The following ITGB2 variants were observed in gnomAD, a reference collection of about 807,000 sequenced individuals.
ITGB2 encodes the protein integrin subunit beta 2.
Under a neutral mutation model 86.8 loss-of-function variants are expected in ITGB2, and 56 were observed. The ratio of observed to expected loss-of-function variants is 0.65; its 90% confidence interval spans 0.52 to 0.81. ITGB2 has a LOEUF of 0.81. Among genes scored for constraint, ITGB2 ranks in the 30% least tolerant of loss-of-function variants. The pLI is 0.00. For synonymous variants in ITGB2, 457 were observed against 450.4 expected (o/e 1.01, Z -0.19); for missense variants, 948 against 1,061.2 (o/e 0.89, Z 1.48).
At chr21:44,895,238 G>A (rs998055115) in intron 8 of ITGB2, among the ~76,000 whole-genome samples, 178 bp from the exon 9 acceptor site, 4 of 152,148 alleles carry the variant, frequency 2.6e-5, no homozygotes, top group Admixed American at 2.6e-4. Context: ...GGTTCTTGGG[G>A]GTAAAAAGCC....
At chr21:44,901,912 C>T (rs56386911) in intron 5 of ITGB2, 179 bp from the exon 6 acceptor site, 17,326 of 661,178 alleles carry the variant, frequency 0.026, 360 homozygotes, top group South Asian at 0.059. Flanking sequence ...CACATGTGAA[C>T]GTATGTGGGC....
intron 15 of ITGB2, 122 bp from the exon 16 acceptor site, chr21:44,886,552 C>A: frequency 1.4e-6 from 2 of 1,385,182 alleles, no homozygotes; most frequent in Non-Finnish European, 2.1e-6. Flanking sequence ...CGTGGGGCAG[C>A]CCCCCCAGGG....
chr21:44,888,822 G>T lies in ITGB2; in HGVS notation c.1951C>A (p.Gln651Lys). Residue 651 changes from glutamine (Q) to lysine (K), a missense_variant, in exon 14 of 16, where the codon CAG becomes AAG. Gln to Lys is a moderately conservative substitution (Grantham distance 53). Transcript: ENST00000652462. ...CCCTTCACGGGGTTGTTCGACAGCT[G>T]CAGGCCCGGACACGCCGCGCTGCAG... ...KNCSAACPGLQLSNNPVKGRT... is the reference protein window; with the variant it reads ...KNCSAACPGLKLSNNPVKGRT... The T allele has an allele frequency of 6.2e-7, 1 of 1,611,292 alleles. No homozygotes were observed. Among genetic ancestry groups the T allele is most frequent in the Middle Eastern group, 1.6e-4 (1 of 6,062 alleles).
chr21:44,893,222 A>G, intron 10 of ITGB2, 182 bp downstream of exon 10: 1 of 657,454 alleles, frequency 1.5e-6, no homozygotes, highest in Non-Finnish European at 2.7e-6. Flanking sequence ...GCCTGCTCCC[A>G]GACAGCCTCT....
At chr21:44,917,920 G>A (rs1482799808) in intron 1 of ITGB2, among the ~76,000 whole-genome samples, 1 of 152,204 alleles carries the variant, frequency 6.6e-6, no homozygotes, top group Non-Finnish European at 1.5e-5. Context: ...CTCAGCTCAG[G>A]ACAGCACCAG....
rs113597686 is a variant in ITGB2, at chr21:44,900,495, G to A, written c.742-20C>T. 12 of 1,612,972 alleles carry A rather than the reference G, an allele frequency of 7.4e-6. No homozygotes were observed. Among genetic ancestry groups the A allele is most frequent in the South Asian group, 1.1e-5 (1 of 91,058 alleles). On this transcript the variant is annotated intron_variant, in intron 6 of 15. Coordinates refer to ENST00000652462, the MANE Select transcript of ITGB2 (RefSeq NM_000211.5). ...TTCCTCCTGAGAAGAAGGCGTGGGG[G>A]GCAGGGTTACCTGCCTCAGTTTCCC... is the stretch of plus-strand genomic sequence containing the variant.
At chr21:44,928,796 T>C (rs2084408846) in exon 1 of ITGB2, 1 of 174,378 alleles carries the variant, frequency 5.7e-6, no homozygotes, top group Non-Finnish European at 1.2e-5. Context: ...TCTTTGGGGA[T>C]GTGTCTCCAA....
chr21:44,887,370 G>A (rs991651746), intron 14 of ITGB2, among the ~76,000 whole-genome samples: 12 of 152,152 alleles, frequency 7.9e-5, no homozygotes, highest in Admixed American at 4.6e-4. Context: ...GATGAGCAAC[G>A]CAAGGTCCTG....
At position 44,888,680 on chromosome 21, in the gene ITGB2, C is replaced by G. The variant is rs2083733638; in HGVS notation, c.2080+13G>C. 6.2e-7 allele frequency: 1 copy of G among 1,605,218 alleles called. No individual in the cohort carries two copies. The highest frequency in any genetic ancestry group is 8.5e-7 in the Non-Finnish European group (1 of 1,179,672). On this transcript the variant is annotated intron_variant, in intron 14 of 15. Transcript: ENST00000652462. ...CTCTGGAGCCGGTCCCCGCTGCACC[C>G]CAGCGGCCTCACCTCGGCTCTCATC...
At chr21:44,888,593 C>T (rs1328128455) in intron 14 of ITGB2, 100 bp downstream of exon 14, 2 of 1,358,566 alleles carry the variant, frequency 1.5e-6, no homozygotes, top group Non-Finnish European at 2.1e-6. Flanking sequence ...GGGCCCACAA[C>T]ACTGGAGGTG....
At chr21:44,917,627 C>T (rs576681674) in intron 1 of ITGB2, among the ~76,000 whole-genome samples, 3 of 152,162 alleles carry the variant, frequency 2.0e-5, no homozygotes, top group African/African-American at 7.2e-5. Context: ...GGGACAGGGG[C>T]TTGCCAGCCT....
chr21:44,907,826 G>A (rs2084066906), intron 3 of ITGB2, among the ~76,000 whole-genome samples: 1 of 152,252 alleles, frequency 6.6e-6, no homozygotes. Flanking sequence ...GGGCAGGTGG[G>A]AGGGGAGGGC....
rs753529224 is a variant in ITGB2, at chr21:44,900,494, G to GA, written c.742-20_742-19insT. The GA allele has an allele frequency of 1.5e-5, 25 of 1,612,946 alleles. No homozygotes were observed. The highest frequency in any genetic ancestry group is 1.9e-5 in the Non-Finnish European group (23 of 1,179,728). On this transcript the variant is annotated intron_variant, in intron 6 of 15. Coordinates refer to ENST00000652462, the MANE Select transcript of ITGB2 (RefSeq NM_000211.5). ...TTTCCTCCTGAGAAGAAGGCGTGGG[G>GA]GGCAGGGTTACCTGCCTCAGTTTCC... is the stretch of plus-strand genomic sequence containing the variant.
intron 1 of ITGB2, among the ~76,000 whole-genome samples, chr21:44,915,001 T>G (rs1300072313): frequency 2.6e-5 from 4 of 152,090 alleles, no homozygotes; most frequent in African/African-American, 9.7e-5. Flanking sequence ...GAGCCTATGC[T>G]GGGAGAGGAA....
chr21:44,888,974 T>A, intron 13 of ITGB2, 79 bp from the exon 14 acceptor site: 39 of 982,810 alleles, frequency 4.0e-5, no homozygotes, highest in Non-Finnish European at 5.1e-5. Context: ...TGGGTGTGTG[T>A]CCACCAGGGG....
At chr21:44,900,697 G>A (rs1234528641) in intron 6 of ITGB2, among the ~76,000 whole-genome samples, 1 of 152,180 alleles carries the variant, frequency 6.6e-6, no homozygotes, top group Non-Finnish European at 1.5e-5. Flanking sequence ...CGCAGGGAGT[G>A]GAGGCACGTG....
In ITGB2 at chr21:44,889,159, G is replaced by A. The variant is rs573477642; in HGVS notation, c.1877+117C>T. The A allele has an allele frequency of 6.5e-5, 66 of 1,019,518 alleles. No individual in the cohort carries two copies. The Admixed American group carries it at 6.9e-4, about 11-fold the overall frequency. 63.2% of individuals were successfully genotyped at this position (1,019,518 alleles called of 1,614,324 possible). On this transcript the variant is annotated intron_variant, in intron 13 of 15. Transcript: ENST00000652462. ...AGGGCCCCTCAGTCCAGACGCACCC[G>A]CAGAGAACCCCGCGGTGCAGAGGTG...
chr21:44,891,465 A>G (rs914018432), intron 11 of ITGB2, among the ~76,000 whole-genome samples: 13 of 152,336 alleles, frequency 8.5e-5, no homozygotes, highest in Admixed American at 3.3e-4. Context: ...GGCCATGGGC[A>G]CGCCCAGCGG....
In ITGB2 at chr21:44,889,465, C is replaced by T. The variant is rs550704811; in HGVS notation, c.1688G>A (p.Arg563His). The change falls in exon 13 of 16, where the codon CGC becomes CAC. Residue 563 changes from arginine (R) to histidine (H), a missense_variant. Coordinates refer to ENST00000652462, the MANE Select transcript of ITGB2 (RefSeq NM_000211.5). The stretch of plus-strand genomic sequence containing the variant: ...TGAGCCCTCAAAGCCCGGGTGGCAG[C>T]GGCACTTCCCGCAGAAGCAGAGCCC... ...GRGLCFCGKC[R>H]CHPGFEGSAC... 75 of 1,585,636 alleles carry T rather than the reference C, an allele frequency of 4.7e-5. 1 individual carries two copies. The South Asian group carries it at 6.6e-4, about 14-fold the overall frequency.
Sources: gnomAD v4.1 joint callset for allele counts (sites outside exome capture counted in the v4.1 genomes callset) on GRCh38, gnomAD v4.1.1 for gene constraint, MANE v1.5 for transcripts, NCBI Gene and HGNC (gene_info 2026-07-23, HGNC 2026-07-21) for gene names.